Variants in DTNA observed in about 807,000 individuals in gnomAD.
DTNA encodes dystrobrevin alpha.
In DTNA, 43 loss-of-function variants were observed where a neutral mutation model predicts 100.7. The observed-to-expected ratio is 0.43, with a 90% CI of 0.33 to 0.55. The LOEUF is 0.55. DTNA is among the 20% of genes least tolerant of loss of function. DTNA has a pLI of 0.04. For missense variants in DTNA, 798 were observed against 953.9 expected, an observed-to-expected ratio of 0.84 and a Z score of 2.15; for synonymous variants, 349 against 347.9, an observed-to-expected ratio of 1.00 and a Z score of -0.04.
At chr18:34,822,293 C>T (rs1482146723) in intron 9 of DTNA, 1 of 152,238 alleles carries the variant, frequency 6.6e-6, no homozygotes, top group African/African-American at 2.4e-5. Flanking sequence ...TCTAGACTTT[C>T]CTTCCCATAA....
chr18:34,723,257 C>G (rs911303575), intron 1 of DTNA, among the ~76,000 whole-genome samples: 1 of 152,136 alleles, frequency 6.6e-6, no homozygotes, highest in Non-Finnish European at 1.5e-5. Context: ...TTGCCATAAG[C>G]AAAGCATCGG....
intron 2 of DTNA, among the ~76,000 whole-genome samples, chr18:34,763,128 T>C (rs1399051875): frequency 6.6e-6 from 1 of 152,190 alleles, no homozygotes; most frequent in Non-Finnish European, 1.5e-5. Context: ...CTTACACAAA[T>C]AATCTGTGCC....
intron 1 of DTNA, among the ~76,000 whole-genome samples, chr18:34,730,746 T>C (rs1430556362): frequency 2.0e-5 from 3 of 152,228 alleles, no homozygotes; most frequent in African/African-American, 7.2e-5. Context: ...GTTATTCCTC[T>C]CACCCTAATA....
intron 1 of DTNA, among the ~76,000 whole-genome samples, chr18:34,589,780 G>C (rs1340694065): frequency 6.6e-6 from 1 of 152,050 alleles, no homozygotes; most frequent in Non-Finnish European, 1.5e-5. Context: ...ATTTCTGCCT[G>C]CTCCTGGTAA....
At chr18:34,831,748 A>G (rs1464307139) in intron 11 of DTNA, among the ~76,000 whole-genome samples, 1 of 152,212 alleles carries the variant, frequency 6.6e-6, no homozygotes, top group Non-Finnish European at 1.5e-5. Context: ...AGCCGGGACA[A>G]CAAGGGTGAA....
intron 1 of DTNA, among the ~76,000 whole-genome samples, chr18:34,666,363 C>T (rs1435851061): frequency 4.6e-5 from 7 of 151,752 alleles, no homozygotes; most frequent in Admixed American, 2.6e-4. Flanking sequence ...TTCTCCCATT[C>T]TGTAGGTTGC....
chr18:34,836,280 A>C (rs1423266008), intron 11 of DTNA, among the ~76,000 whole-genome samples: 1 of 152,264 alleles, frequency 6.6e-6, no homozygotes, highest in Non-Finnish European at 1.5e-5. Context: ...AAAGGAAAAC[A>C]TCAATATGCT....
At chr18:34,854,217 TG>T (rs1232209686) in intron 15 of DTNA, among the ~76,000 whole-genome samples, 2 of 152,162 alleles carry the variant, frequency 1.3e-5, no homozygotes, top group African/African-American at 4.8e-5. Flanking sequence ...GGAAAGATCA[TG>T]GCAAGAAAAA....
intron 1 of DTNA, among the ~76,000 whole-genome samples, chr18:34,636,232 A>G (rs1348735716): frequency 6.6e-6 from 1 of 152,124 alleles, no homozygotes; most frequent in East Asian, 1.9e-4. Context: ...TGCAGCCTCC[A>G]CCTGCGGGGT....
chr18:34,876,943 T>A (rs1482527931), intron 18 of DTNA, among the ~76,000 whole-genome samples: 8 of 152,366 alleles, frequency 5.3e-5, no homozygotes, highest in Admixed American at 2.0e-4. Context: ...CTGATTTTTT[T>A]AATTTAAACA....
At chr18:34,710,633 G>A (rs927875698) in intron 1 of DTNA, among the ~76,000 whole-genome samples, 188 bp downstream of exon 1, 13 of 151,512 alleles carry the variant, frequency 8.6e-5, no homozygotes, top group African/African-American at 3.2e-4. Context: ...AGTCTAAGAT[G>A]TTGTGAAATG....
intron 1 of DTNA, among the ~76,000 whole-genome samples, chr18:34,690,142 A>AG (rs1364572362): frequency 6.6e-6 from 1 of 152,142 alleles, no homozygotes; most frequent in Non-Finnish European, 1.5e-5. Flanking sequence ...CCCCCTTCCC[A>AG]GGGGAGTGAA....
intron 2 of DTNA, among the ~76,000 whole-genome samples, chr18:34,763,212 A>G (rs752506581): frequency 2.0e-5 from 3 of 152,230 alleles, no homozygotes; most frequent in Non-Finnish European, 2.9e-5. Context: ...CTTAGCACCA[A>G]TAAAAGTACA....
At chr18:34,523,609 A>G (rs1446150552) in intron 1 of DTNA, among the ~76,000 whole-genome samples, 2 of 152,208 alleles carry the variant, frequency 1.3e-5, no homozygotes, top group Non-Finnish European at 2.9e-5. Context: ...CACTTCCCAC[A>G]ATTTTCATAT....
intron 1 of DTNA, among the ~76,000 whole-genome samples, chr18:34,574,785 C>T (rs2047954112): frequency 6.6e-6 from 1 of 152,162 alleles, no homozygotes; most frequent in African/African-American, 2.4e-5. Flanking sequence ...GCACAAGCCA[C>T]TATGCTCAGC....
chr18:34,843,833 C>CT (rs922217417), intron 13 of DTNA, among the ~76,000 whole-genome samples: 3 of 152,066 alleles, frequency 2.0e-5, no homozygotes, highest in African/African-American at 7.2e-5. Flanking sequence ...CAAGATTTGA[C>CT]TGACTCTTTT....
At chr18:34,724,053 T>A (rs1318600166) in intron 1 of DTNA, among the ~76,000 whole-genome samples, 1 of 152,254 alleles carries the variant, frequency 6.6e-6, no homozygotes, top group Non-Finnish European at 1.5e-5. Context: ...TGCTTTATTT[T>A]AATAGTAGTA....
At position 34,838,821 on chromosome 18, in the gene DTNA, C is replaced by T. The variant is rs199867593; in HGVS notation, c.1330C>T (p.Arg444Trp). Residue 444 changes from arginine (R) to tryptophan (W), a missense_variant, in exon 13 of 23, where the codon CGG (arginine) becomes TGG (tryptophan). Physicochemically the swap from Arg to Trp is moderately radical, Grantham distance 101. Coordinates refer to ENST00000444659, the MANE Select transcript of DTNA (RefSeq NM_001386795.1). ...VLIGLYVNML[R>W]NNPSCMLESS... ...CATCGGGTTGTATGTCAACATGCTC[C>T]GGAACAACCCCTCATGGTTAGTGCA... is the stretch of plus-strand genomic sequence containing the variant. 117 of 1,613,622 alleles carry T rather than the reference C, an allele frequency of 7.3e-5. 2 individuals are homozygous for T. The Admixed American group carries it at 8.7e-4, about 12-fold the overall frequency.
At chr18:34,651,443 A>AT (rs1383515567) in intron 1 of DTNA, among the ~76,000 whole-genome samples, 1 of 152,136 alleles carries the variant, frequency 6.6e-6, no homozygotes, top group African/African-American at 2.4e-5. Context: ...AGCCACTTTT[A>AT]TTTTTTAAAT....
Sources: allele counts gnomAD v4.1 joint callset (sites outside exome capture counted in the v4.1 genomes callset), GRCh38; gene constraint gnomAD v4.1.1; transcripts MANE v1.5; gene names NCBI Gene and HGNC (gene_info 2026-07-23, HGNC 2026-07-21).